ZBBX: variants seen among roughly 807,000 people sequenced by gnomAD.
The protein encoded by ZBBX is zinc finger B-box domain containing.
A neutral mutation model predicts 108.5 loss-of-function variants in ZBBX; 101 were observed. That is an observed-to-expected ratio of 0.93 (90% confidence interval 0.79 to 1.10). The LOEUF is 1.10. Ranked by LOEUF, ZBBX falls within the 50% of genes least tolerant of loss-of-function variation. The pLI is 0.00. For synonymous variants in ZBBX, 356 were observed against 323.4 expected, an observed-to-expected ratio of 1.10 and a Z score of -1.08; for missense variants, 1,009 against 941.4, an observed-to-expected ratio of 1.07 and a Z score of -0.94.
At chr3:167,222,817 TAGAG>T in the ZBBX span, among the ~76,000 whole-genome samples, 1 of 150,910 alleles carries the variant, frequency 6.6e-6, no homozygotes. Context: ...GCTAGTGGGA[TAGAG>T]AGAGATTGGT....
rs554650508 is a variant in ZBBX at position 167,390,439 on chromosome 3, T to C, written c.-445-10034A>G. On this transcript the variant is annotated intron_variant, in intron 1 of 21. Coordinates refer to the ZBBX transcript ENST00000455345. ...TGTGATGTCTCCAGCTTTCTTCTTTTTGCTTAGGATTATCTTGGCTATACG... is the reference window on the plus strand; with the variant it reads ...TGTGATGTCTCCAGCTTTCTTCTTTCTGCTTAGGATTATCTTGGCTATACG... Among the ~76,000 whole-genome samples the C allele has an allele frequency of 2.0e-4, 31 of 152,238 alleles. 1 individual carries two copies. Among genetic ancestry groups the C allele is most frequent in the African/African-American group, 7.2e-4 (30 of 41,552 alleles).
intron 15 of ZBBX, among the ~76,000 whole-genome samples, chr3:167,315,270 T>C (rs1257528125): frequency 6.6e-6 from 1 of 152,220 alleles, no homozygotes; most frequent in African/African-American, 2.4e-5. Context: ...TGAACCATTA[T>C]ACTTCATTTG....
At chr3:167,331,296 T>C (rs1738591318) in intron 10 of ZBBX, among the ~76,000 whole-genome samples, 1 of 152,134 alleles carries the variant, frequency 6.6e-6, no homozygotes, top group South Asian at 2.1e-4. Flanking sequence ...ATAACATTTA[T>C]AGGTTTTGGA....
chr3:167,348,474 AG>A (rs1577062311), intron 9 of ZBBX, among the ~76,000 whole-genome samples: 5 of 151,660 alleles, frequency 3.3e-5, no homozygotes, highest in Non-Finnish European at 5.9e-5. Context: ...AAAGAAAGAG[AG>A]AGAAGGAAAG....
chr3:167,371,496 C>T (rs956526904), intron 4 of ZBBX, among the ~76,000 whole-genome samples: 4 of 152,156 alleles, frequency 2.6e-5, no homozygotes, highest in African/African-American at 9.7e-5. Flanking sequence ...GTCAGTGTAA[C>T]TGTACTCATT....
chr3:167,213,539 G>T, the ZBBX span, among the ~76,000 whole-genome samples: 1 of 152,094 alleles, frequency 6.6e-6, no homozygotes, highest in African/African-American at 2.4e-5. Context: ...ACAATTATGG[G>T]GTTTCATAAA....
intron 16 of ZBBX, among the ~76,000 whole-genome samples, chr3:167,311,199 A>G (rs925772888): frequency 6.6e-6 from 1 of 152,332 alleles, no homozygotes; most frequent in Admixed American, 6.5e-5. Context: ...AGGCAATACA[A>G]CAAAGAAAAT....
chr3:167,322,050 T>C (rs1736532861), intron 12 of ZBBX, 67 bp downstream of exon 12: 1 of 957,142 alleles, frequency 1.0e-6, no homozygotes, highest in Non-Finnish European at 1.4e-6. Flanking sequence ...TAGGAAGGCA[T>C]GTCATACAAG....
chr3:167,326,494 A>G (rs1369542276), intron 11 of ZBBX, among the ~76,000 whole-genome samples: 1 of 152,132 alleles, frequency 6.6e-6, no homozygotes, highest in Non-Finnish European at 1.5e-5. Context: ...AACAAATTTT[A>G]AAAGAGTTAT....
At chr3:167,252,544 C>T (rs1011796659) in intron 20 of ZBBX, among the ~76,000 whole-genome samples, 2 of 150,070 alleles carry the variant, frequency 1.3e-5, no homozygotes, top group Admixed American at 6.7e-5. Context: ...TCAGAGTGAC[C>T]GTATTCATGA....
At chr3:167,406,010 G>A (rs936733365) in intron 1 of ZBBX, among the ~76,000 whole-genome samples, 6 of 152,138 alleles carry the variant, frequency 3.9e-5, no homozygotes, top group African/African-American at 1.4e-4. Flanking sequence ...AGGTTGCAGT[G>A]AGCCGATAGT....
chr3:167,304,623 A>G (rs1476987211), intron 17 of ZBBX, among the ~76,000 whole-genome samples: 1 of 152,180 alleles, frequency 6.6e-6, no homozygotes, highest in Non-Finnish European at 1.5e-5. Flanking sequence ...CAAGAAATAC[A>G]TATGCAAATG....
chr3:167,378,857 C>T (rs539731467), intron 2 of ZBBX, among the ~76,000 whole-genome samples: 11 of 152,268 alleles, frequency 7.2e-5, no homozygotes, highest in African/African-American at 1.9e-4. Context: ...CCATCGAAAC[C>T]GAGCTTCTCC....
downstream of ZBBX, among the ~76,000 whole-genome samples, chr3:167,239,136 A>G (rs1164725413): frequency 6.6e-6 from 1 of 152,122 alleles, no homozygotes. Context: ...AAGATATGAT[A>G]CTGCAGCTCA....
chr3:167,404,918 G>A (rs956382935), intron 1 of ZBBX, among the ~76,000 whole-genome samples: 7 of 152,068 alleles, frequency 4.6e-5, no homozygotes, highest in African/African-American at 7.2e-5. Context: ...GAAACTGGTC[G>A]GGGGGAGTAG....
chr3:167,310,214 C>G (rs1734342630), intron 16 of ZBBX, among the ~76,000 whole-genome samples: 1 of 152,176 alleles, frequency 6.6e-6, no homozygotes, highest in Non-Finnish European at 1.5e-5. Flanking sequence ...CCATCTCAGC[C>G]TAGACTTCAT....
At chr3:167,253,246 G>A (rs368604912) in intron 20 of ZBBX, among the ~76,000 whole-genome samples, 2 of 152,090 alleles carry the variant, frequency 1.3e-5, no homozygotes, top group African/African-American at 4.8e-5. Flanking sequence ...CACAGTGTGT[G>A]CCCAACACAC....
At chr3:167,284,769 C>T (rs1729421362) in intron 19 of ZBBX, among the ~76,000 whole-genome samples, 1 of 152,070 alleles carries the variant, frequency 6.6e-6, no homozygotes, top group Non-Finnish European at 1.5e-5. Context: ...TTTAAAGTAA[C>T]TAAAACACAG....
Position 167,348,322 on chromosome 3 carries a change from A to G in ZBBX, c.528+2098T>C, listed in dbSNP as rs1354827976. 1.6e-3 allele frequency among the ~76,000 whole-genome samples: 127 copies of G among 80,552 alleles called. 1 individual carries two copies. In the East Asian group the frequency reaches 0.018, roughly 11 times the overall value. The allele number at this position is 80,552 out of a possible 152,430, so 52.8% of individuals were successfully genotyped here. ...AGAAAGAGAGAAAGAAAGAGAAAGA[A>G]AGAAAGAAAGAAAGAAAGAAAGAAA... On this transcript the variant is annotated intron_variant, in intron 9 of 21. Coordinates refer to ENST00000675490, the MANE Select transcript of ZBBX (RefSeq NM_001199201.2).
Sources: gnomAD v4.1 joint callset for allele counts (sites outside exome capture counted in the v4.1 genomes callset) on GRCh38, gnomAD v4.1.1 for gene constraint, MANE v1.5 for transcripts, NCBI Gene and HGNC (gene_info 2026-07-23, HGNC 2026-07-21) for gene names.